Variants in MREG observed in about 807,000 individuals in gnomAD.
MREG encodes melanoregulin.
MREG carries 31 observed loss-of-function variants against 28.5 expected under a neutral mutation model. The ratio of observed to expected loss-of-function variants is 1.09; its 90% CI spans 0.82 to 1.47. The LOEUF is 1.47. Among genes scored for constraint, MREG ranks in the 40% most tolerant of loss-of-function variants. The pLI, the probability that MREG is intolerant of heterozygous loss-of-function variation, is 0.00. For missense variants in MREG, 256 were observed against 257.4 expected, an observed-to-expected ratio of 0.99 and a Z score of 0.04; for synonymous variants, 106 against 95.2, an observed-to-expected ratio of 1.11 and a Z score of -0.66.
rs67462853 is a variant in MREG, at chr2:215,949,035, T to TCTACTA, written c.256-1928_256-1923dup. Among the ~76,000 whole-genome samples the TCTACTA allele has an allele frequency of 5.1e-3, 670 of 131,062 alleles. 7 individuals are homozygous for TCTACTA. Among genetic ancestry groups the TCTACTA allele is most frequent in the African/African-American group, 6.5e-3 (233 of 35,764 alleles). The allele number at this position is 131,062 out of a possible 152,430, so 86.0% of individuals were successfully genotyped here. On this transcript the variant is annotated intron_variant, in intron 2 of 4. Coordinates refer to ENST00000263268, the MANE Select transcript of MREG (RefSeq NM_018000.3). ...CTGGCCAGCATGGCAAAACCCTGTC[T>TCTACTA]CTACTACTACTACTACTACTACTAC...
intron 1 of MREG, among the ~76,000 whole-genome samples, chr2:216,012,251 G>A (rs1042300087): frequency 2.0e-5 from 3 of 152,144 alleles, no homozygotes; most frequent in African/African-American, 7.2e-5. Flanking sequence ...TCCCACGGCC[G>A]CAAGGAGTGT....
At chr2:215,946,138 T>G (rs1434730767) in intron 3 of MREG, among the ~76,000 whole-genome samples, 2 of 151,810 alleles carry the variant, frequency 1.3e-5, no homozygotes, top group African/African-American at 4.8e-5. Flanking sequence ...AAACCTGGAT[T>G]TTCTTCCTCA....
intron 2 of MREG, among the ~76,000 whole-genome samples, chr2:215,978,318 C>T (rs1372537961): frequency 6.6e-6 from 1 of 152,112 alleles, no homozygotes; most frequent in Non-Finnish European, 1.5e-5. Flanking sequence ...ATACACCCTC[C>T]CAAGACTAAA....
chr2:215,994,742 G>A (rs1030539839), intron 2 of MREG, among the ~76,000 whole-genome samples: 3 of 152,122 alleles, frequency 2.0e-5, no homozygotes, highest in African/African-American at 7.2e-5. Flanking sequence ...AGAGGGCTTT[G>A]TCGTCCATGT....
chr2:216,015,170 T>C (rs913997104), upstream of MREG, among the ~76,000 whole-genome samples: 3 of 151,668 alleles, frequency 2.0e-5, no homozygotes, highest in East Asian at 5.8e-4. Context: ...CGCGCGCGCG[T>C]GCGTGTGTGT....
intron 1 of MREG, among the ~76,000 whole-genome samples, chr2:215,999,896 C>T (rs1198704329): frequency 3.9e-5 from 6 of 152,118 alleles, no homozygotes; most frequent in Non-Finnish European, 5.9e-5. Context: ...GGGAGCAATA[C>T]GCAGCATTTC....
At chr2:215,986,105 T>C (rs1195791077) in intron 2 of MREG, among the ~76,000 whole-genome samples, 2 of 152,236 alleles carry the variant, frequency 1.3e-5, no homozygotes, top group South Asian at 2.1e-4. Context: ...TAACTAGTAG[T>C]AGTCCTTGCT....
At chr2:215,956,958 A>T (rs1168687487) in intron 2 of MREG, among the ~76,000 whole-genome samples, 1 of 152,138 alleles carries the variant, frequency 6.6e-6, no homozygotes, top group Admixed American at 6.5e-5. Flanking sequence ...TAAGATGAGG[A>T]AACTGAGACT....
chr2:215,980,447 C>T (rs1693394443), intron 2 of MREG, among the ~76,000 whole-genome samples: 1 of 152,176 alleles, frequency 6.6e-6, no homozygotes, highest in South Asian at 2.1e-4. Context: ...TTTCCTTTAC[C>T]TTCCACGGCC....
At position 215,994,559 on chromosome 2, in the gene MREG, T is replaced by TA. The variant is rs71401130; in HGVS notation, c.255+1746dup. On this transcript the variant is annotated intron_variant, in intron 2 of 4. Transcript: ENST00000263268. ...TATCCCAGAACTTAAAGTATAATTT[T>TA]AAAAAAAAAGAGGGAGAAGAGGGAG... 3.5e-3 allele frequency among the ~76,000 whole-genome samples: 517 copies of TA among 149,254 alleles called. 20 individuals are homozygous for TA. The East Asian group carries it at 0.09, about 26-fold the overall frequency.
At chr2:215,982,897 T>C (rs1693468656) in intron 2 of MREG, among the ~76,000 whole-genome samples, 1 of 152,194 alleles carries the variant, frequency 6.6e-6, no homozygotes, top group Admixed American at 6.5e-5. Context: ...ACATGAAGCA[T>C]GTTGCTTAGC....
At chr2:215,940,367 T>C (rs941661539), downstream of MREG, among the ~76,000 whole-genome samples, 2 of 152,198 alleles carry the variant, frequency 1.3e-5, no homozygotes, top group Non-Finnish European at 2.9e-5. Context: ...ATATTAGTAA[T>C]AGAAAGTGAT....
intron 1 of MREG, among the ~76,000 whole-genome samples, chr2:215,999,303 A>G (rs2106020502): frequency 6.6e-6 from 1 of 152,326 alleles, no homozygotes; most frequent in East Asian, 1.9e-4. Flanking sequence ...ATTTTAGAGA[A>G]ATAACTCTGG....
intron 2 of MREG, among the ~76,000 whole-genome samples, chr2:215,962,711 C>A (rs1354713099): frequency 1.3e-5 from 2 of 151,142 alleles, no homozygotes; most frequent in African/African-American, 4.9e-5. Context: ...ATCTTGCTAT[C>A]CCTCCACATC....
At chr2:215,940,541 A>G (rs979340420), downstream of MREG, among the ~76,000 whole-genome samples, 1 of 152,208 alleles carries the variant, frequency 6.6e-6, no homozygotes, top group Non-Finnish European at 1.5e-5. Context: ...TCCTAGGGAA[A>G]CTTAACATTT....
chr2:215,953,138 T>C (rs1692531383), intron 2 of MREG, among the ~76,000 whole-genome samples: 1 of 152,238 alleles, frequency 6.6e-6, no homozygotes, highest in Non-Finnish European at 1.5e-5. Context: ...ACAAAGGGCA[T>C]GAACACCGGG....
intron 2 of MREG, among the ~76,000 whole-genome samples, chr2:215,952,347 A>G (rs780063046): frequency 6.6e-5 from 10 of 151,832 alleles, no homozygotes; most frequent in Non-Finnish European, 1.2e-4. Flanking sequence ...GTGAACGCGC[A>G]CACACACACA....
rs1692261281 is a variant in MREG, at chr2:215,944,215, T to TG, written c.*647dup. The TG allele has an allele frequency of 1.3e-5, 2 of 152,068 alleles. 1 individual carries two copies. The highest frequency in any genetic ancestry group is 4.1e-4 in the South Asian group (2 of 4,822). 9.4% of individuals were successfully genotyped at this position (152,068 alleles called of 1,614,324 possible). A position where few individuals can be genotyped will look rare whatever the true frequency, so the allele number is the denominator to read the frequency against. ...GGCTGGTCTTGAACTCCTGACCTCATGATCCACCCACCTTGGCCTCCCAAA... is the reference window on the plus strand; with the variant it reads ...GGCTGGTCTTGAACTCCTGACCTCATGGATCCACCCACCTTGGCCTCCCAAA... On this transcript the variant is annotated 3_prime_UTR_variant, in exon 5 of 5. Coordinates refer to ENST00000263268, the MANE Select transcript of MREG (RefSeq NM_018000.3).
chr2:215,950,797 GA>G (rs1692461429), intron 2 of MREG, among the ~76,000 whole-genome samples: 1 of 152,162 alleles, frequency 6.6e-6, no homozygotes, highest in Admixed American at 6.5e-5. Flanking sequence ...ATTGGATCTT[GA>G]TATGGTTTGG....
Sources: gnomAD v4.1 joint callset for allele counts (sites outside exome capture counted in the v4.1 genomes callset) on GRCh38, gnomAD v4.1.1 for gene constraint, MANE v1.5 for transcripts, NCBI Gene and HGNC (gene_info 2026-07-23, HGNC 2026-07-21) for gene names.